Variants in FRMPD4 observed in about 807,000 individuals in gnomAD.
FRMPD4 encodes the protein FERM and PDZ domain containing 4.
Under a neutral mutation model 94.1 loss-of-function variants are expected in FRMPD4, and 22 were observed. The ratio of observed to expected loss-of-function variants is 0.23; its 90% CI spans 0.17 to 0.33. FRMPD4 has a LOEUF of 0.33. Ranked by LOEUF, FRMPD4 falls within the 10% of genes least tolerant of loss-of-function variation. The pLI, the probability that FRMPD4 is intolerant of heterozygous loss-of-function variation, is 1.00. For synonymous variants in FRMPD4, 631 were observed against 548.6 expected (o/e 1.15, Z -2.10); for missense variants, 1,111 against 1,339.9 (o/e 0.83, Z 2.67).
At chrX:12,468,294 G>T (rs976955360) in intron 1 of FRMPD4, among the ~76,000 whole-genome samples, 1 of 112,232 alleles carries the variant, frequency 8.9e-6, no homozygotes, top group Non-Finnish European at 1.9e-5. Flanking sequence ...ACTTGAAATG[G>T]TGTCAAAGAG....
In FRMPD4 at chrX:11,998,767, T is replaced by G. The variant is rs138060167; in HGVS notation, c.95+120749T>G. ...AGGATAAATTATTGTTTTCATTAGC[T>G]TTATGTAACCTACCTCCAAAATTTT... On this transcript the variant is annotated intron_variant, in intron 3 of 18. Transcript: ENST00000640291. 2.4e-3 allele frequency among the ~76,000 whole-genome samples: 266 copies of G among 112,062 alleles called. 1 individual carries two copies. Among genetic ancestry groups the G allele is most frequent in the Non-Finnish European group, 3.9e-3 (210 of 53,189 alleles).
At chrX:12,505,478 A>C (rs961549786) in intron 2 of FRMPD4, among the ~76,000 whole-genome samples, 18 of 111,190 alleles carry the variant, frequency 1.6e-4, no homozygotes, top group Admixed American at 1.6e-3. Flanking sequence ...CTGTAATCCC[A>C]GCACTTTGGG....
In FRMPD4 at chrX:12,717,776, G is replaced by GTGCCTTCCA; in HGVS notation, c.2951_2959dup (p.Ser986_Lys987insMetProSer). On this transcript the variant is annotated inframe_insertion, in exon 16 of 17. Transcript: ENST00000675598. ...AGCAACCGACCTCCCGCCCAAAGTT[G>GTGCCTTCCA]TGCCTTCCAAGCAGTTACTTCACTC... is the stretch of plus-strand genomic sequence containing the variant. 1 of 1,212,117 alleles carries GTGCCTTCCA rather than the reference G, an allele frequency of 8.3e-7. No individual in the cohort carries two copies.
rs7056104 is a variant in FRMPD4 at position 12,119,978 on chromosome X, T to C, written c.95+241960T>C. On this transcript the variant is annotated intron_variant, in intron 3 of 18. Coordinates refer to the FRMPD4 transcript ENST00000640291. Reference sequence around the variant, plus strand: ...TAGAAATGAAAGACAAGTAAAGAAATTGTGTAATATTTTTTCTTAATGAAC... The same window carrying C: ...TAGAAATGAAAGACAAGTAAAGAAACTGTGTAATATTTTTTCTTAATGAAC... 3.1e-3 allele frequency among the ~76,000 whole-genome samples: 350 copies of C among 112,009 alleles called. 1 individual carries two copies. The highest frequency in any genetic ancestry group is 0.011 in the African/African-American group (334 of 30,839).
At chrX:12,081,893 ACAGT>A (rs977899220) in intron 3 of FRMPD4, among the ~76,000 whole-genome samples, 11 of 111,888 alleles carry the variant, frequency 9.8e-5, no homozygotes, top group Admixed American at 6.6e-4. Flanking sequence ...CATTATTCAG[ACAGT>A]CAGTGAGTTA....
chrX:12,513,237 A>G (rs2058062673), intron 2 of FRMPD4, among the ~76,000 whole-genome samples: 1 of 111,892 alleles, frequency 8.9e-6, no homozygotes, highest in Non-Finnish European at 1.9e-5. Context: ...CCTATTTGTC[A>G]GTTTTTGTTT....
intron 2 of FRMPD4, among the ~76,000 whole-genome samples, chrX:12,602,205 T>A (rs2059090895): frequency 8.9e-6 from 1 of 112,151 alleles, no homozygotes; most frequent in Non-Finnish European, 1.9e-5. Flanking sequence ...ACTTTAACAA[T>A]CCATACTTTG....
rs1569233919 is a variant in FRMPD4, at chrX:12,331,645, T to TTATATATTTATATAATATATAAA, written c.42-167028_42-167006dup. 1.9e-4 allele frequency among the ~76,000 whole-genome samples: 15 copies of TTATATATTTATATAATATATAAA among 78,184 alleles called. 1 individual carries two copies. The highest frequency in any genetic ancestry group is 7.5e-4 in the African/African-American group (15 of 20,035). The allele number at this position is 78,184 out of a possible 115,157, so 67.9% of individuals were successfully genotyped here. A position where few individuals can be genotyped will look rare whatever the true frequency, so the allele number is the denominator to read the frequency against. On this transcript the variant is annotated intron_variant, in intron 1 of 16. Transcript: ENST00000675598. ...TTATATTACATATAAATTATATAAA[T>TTATATATTTATATAATATATAAA]TATATATTTATATAATATATAAATA...
intron 4 of FRMPD4, among the ~76,000 whole-genome samples, chrX:12,633,102 G>A (rs1304774661): frequency 1.8e-5 from 2 of 111,955 alleles, no homozygotes; most frequent in African/African-American, 6.5e-5. Context: ...TGCTGACTGT[G>A]TACAGGATTC....
intron 3 of FRMPD4, among the ~76,000 whole-genome samples, chrX:12,087,470 T>C (rs775999329): frequency 1.8e-5 from 2 of 111,717 alleles, no homozygotes; most frequent in Admixed American, 1.9e-4. Flanking sequence ...GCATCAAGAT[T>C]CAGGAAGCCT....
intron 1 of FRMPD4, among the ~76,000 whole-genome samples, chrX:12,421,243 T>A: frequency 8.9e-6 from 1 of 112,254 alleles, no homozygotes; most frequent in Non-Finnish European, 1.9e-5. Flanking sequence ...TCCATTTTTT[T>A]ATGTCAAATG....
At chrX:12,688,745 C>CTTTTTTTTTT (rs371548205) in intron 7 of FRMPD4, among the ~76,000 whole-genome samples, 1 of 92,042 alleles carries the variant, frequency 1.1e-5, no homozygotes. Flanking sequence ...GCAGGGAAAT[C>CTTTTTTTTTT]TTTTTTTTTT....
intron 1 of FRMPD4, among the ~76,000 whole-genome samples, chrX:12,157,742 C>G (rs1365501666): frequency 8.9e-6 from 1 of 112,138 alleles, no homozygotes; most frequent in Non-Finnish European, 1.9e-5. Flanking sequence ...TGAAAGGGCT[C>G]TAAGTCATAT....
intron 1 of FRMPD4, among the ~76,000 whole-genome samples, chrX:12,353,786 C>T (rs989924737): frequency 3.6e-5 from 4 of 112,086 alleles, no homozygotes; most frequent in African/African-American, 1.3e-4. Context: ...AGACGACTAA[C>T]AATTCTTTGT....
At chrX:12,526,416 C>G (rs1307788912) in intron 2 of FRMPD4, among the ~76,000 whole-genome samples, 1 of 112,948 alleles carries the variant, frequency 8.9e-6, no homozygotes, top group East Asian at 2.8e-4. Context: ...ATTCTTAACA[C>G]ATGCATAGAT....
rs1000728726 is a variant in FRMPD4, at chrX:12,609,633, T to G, written c.159-88T>G. The G allele has an allele frequency of 1.5e-5, 12 of 806,311 alleles. No individual in the cohort carries two copies. In the African/African-American group the frequency reaches 2.2e-4, roughly 15 times the overall value. The allele number at this position is 806,311 out of a possible 1,213,427, so 66.4% of individuals were successfully genotyped here. A position where few individuals can be genotyped will look rare whatever the true frequency, so the allele number is the denominator to read the frequency against. ...TTCTCACTCTCTACCAAAAAACAGGTTTTGAAATTAAAGAGAATATGATTG... is the reference window on the plus strand; with the variant it reads ...TTCTCACTCTCTACCAAAAAACAGGGTTTGAAATTAAAGAGAATATGATTG... On this transcript the variant is annotated intron_variant, in intron 2 of 16. Transcript: ENST00000675598.
chrX:12,040,553 C>CTTT (rs760980082), intron 3 of FRMPD4, among the ~76,000 whole-genome samples: 28 of 58,878 alleles, frequency 4.8e-4, no homozygotes, highest in Admixed American at 7.5e-4. Flanking sequence ...TTATGTCTGC[C>CTTT]TTTTTTTTTT....
chrX:11,865,950 C>A (rs937827316), intron 2 of FRMPD4, among the ~76,000 whole-genome samples: 3 of 111,763 alleles, frequency 2.7e-5, no homozygotes, highest in Non-Finnish European at 5.6e-5. Context: ...GTCTAAAACT[C>A]AAATTTCAAG....
chrX:12,307,674 C>T (rs916238669), intron 1 of FRMPD4, among the ~76,000 whole-genome samples: 5 of 111,673 alleles, frequency 4.5e-5, no homozygotes, highest in African/African-American at 1.6e-4. Flanking sequence ...CATCGAACTG[C>T]ATACTTCAGA....
Sources: gnomAD v4.1 joint callset for allele counts (sites outside exome capture counted in the v4.1 genomes callset) on GRCh38, gnomAD v4.1.1 for gene constraint, MANE v1.5 for transcripts, NCBI Gene and HGNC (gene_info 2026-07-23, HGNC 2026-07-21) for gene names.